INSYN2A: variants seen among roughly 807,000 people sequenced by gnomAD.
INSYN2A encodes inhibitory synaptic factor 2A.
In INSYN2A, 17 loss-of-function variants were observed where a neutral mutation model predicts 39.4. The observed-to-expected ratio is 0.43, with a 90% CI of 0.30 to 0.65. INSYN2A has a LOEUF of 0.65. Among genes scored for constraint, INSYN2A ranks in the 30% least tolerant of loss-of-function variants. INSYN2A has a pLI of 0.14. For synonymous variants in INSYN2A, 255 were observed against 265.7 expected (o/e 0.96, Z 0.39); for missense variants, 595 against 631.2 (o/e 0.94, Z 0.61).
chr10:127,144,282 A>G (rs1564837928), intron 5 of INSYN2A, among the ~76,000 whole-genome samples: 1 of 152,140 alleles, frequency 6.6e-6, no homozygotes, highest in Non-Finnish European at 1.5e-5. Context: ...TGGATTTTCT[A>G]GAATAACAAA....
At chr10:127,181,247 T>C (rs1446783734) in intron 2 of INSYN2A, among the ~76,000 whole-genome samples, 3 of 152,244 alleles carry the variant, frequency 2.0e-5, no homozygotes, top group African/African-American at 4.8e-5. Context: ...GCAGAAGATA[T>C]GTCAATATTT....
At chr10:127,172,555 C>G (rs933801197) in intron 4 of INSYN2A, among the ~76,000 whole-genome samples, 4 of 151,724 alleles carry the variant, frequency 2.6e-5, no homozygotes, top group Admixed American at 6.5e-5. Context: ...AATTAATGAC[C>G]CTGGGGCATT....
chr10:127,149,466 C>T (rs1004693318), intron 5 of INSYN2A, among the ~76,000 whole-genome samples: 2 of 152,174 alleles, frequency 1.3e-5, no homozygotes, highest in African/African-American at 4.8e-5. Flanking sequence ...TATGTACCGC[C>T]TCCCATGGCA....
At chr10:127,194,012 C>T (rs952876899) in intron 1 of INSYN2A, among the ~76,000 whole-genome samples, 2 of 152,154 alleles carry the variant, frequency 1.3e-5, no homozygotes, top group African/African-American at 4.8e-5. Context: ...GTCTTAATCA[C>T]AATGATAAAA....
Position 127,194,261 on chromosome 10 carries a change from C to A in INSYN2A, c.-394-1531G>T, listed in dbSNP as rs543904843. Among the ~76,000 whole-genome samples the A allele has an allele frequency of 4.9e-4, 75 of 152,166 alleles. 1 individual carries two copies. Among genetic ancestry groups the A allele is most frequent in the Non-Finnish European group, 9.4e-4 (64 of 68,032 alleles). ...TTTTTCTTTTCCTTAACCAAATGCG[C>A]CTCTAATAAAACCATCGTGAGGAGC... On this transcript the variant is annotated intron_variant, in intron 1 of 5. Transcript: ENST00000522781.
intron 4 of INSYN2A, among the ~76,000 whole-genome samples, chr10:127,169,089 T>C (rs1217132137): frequency 6.6e-6 from 1 of 152,180 alleles, no homozygotes; most frequent in African/African-American, 2.4e-5. Flanking sequence ...GCAAACATGT[T>C]CTGTGATGGC....
intron 4 of INSYN2A, among the ~76,000 whole-genome samples, chr10:127,172,311 C>T (rs1003704880): frequency 6.6e-6 from 1 of 152,064 alleles, no homozygotes; most frequent in African/African-American, 2.4e-5. Context: ...GTATTTACAC[C>T]ATGGAAATCA....
rs1365741209 is a variant in INSYN2A, at chr10:127,137,090, C to T, written c.*747G>A. On this transcript the variant is annotated 3_prime_UTR_variant, in exon 6 of 6. Coordinates refer to ENST00000522781, the MANE Select transcript of INSYN2A (RefSeq NM_001039762.3). ...AAAACTTAGTGTCCAATAGCTCTGA[C>T]CCTGTCTACTTGCAGTGATTAAAGG... 6.6e-6 allele frequency: 1 copy of T among 152,562 alleles called. No individual in the cohort carries two copies. The highest frequency in any genetic ancestry group is 2.4e-5 in the African/African-American group (1 of 41,428). 9.5% of individuals were successfully genotyped at this position (152,562 alleles called of 1,614,324 possible).
chr10:127,177,995 C>G (rs1022323219), intron 2 of INSYN2A, among the ~76,000 whole-genome samples: 1 of 152,156 alleles, frequency 6.6e-6, no homozygotes, highest in Non-Finnish European at 1.5e-5. Context: ...CTCATAGACC[C>G]AGCTGTCCAA....
At chr10:127,154,027 A>G (rs2052775549) in intron 4 of INSYN2A, 104 bp from the exon 5 acceptor site, 1 of 782,770 alleles carries the variant, frequency 1.3e-6, no homozygotes. Flanking sequence ...CAAGCTCATC[A>G]TGGTCATGGA....
chr10:127,178,119 T>C (rs866702548), intron 2 of INSYN2A, among the ~76,000 whole-genome samples: 1 of 152,158 alleles, frequency 6.6e-6, no homozygotes, highest in Non-Finnish European at 1.5e-5. Flanking sequence ...ACAGCCACCA[T>C]CTAAAAGTAA....
At chr10:127,187,965 G>C (rs1383660213) in intron 2 of INSYN2A, among the ~76,000 whole-genome samples, 1 of 152,100 alleles carries the variant, frequency 6.6e-6, no homozygotes, top group Non-Finnish European at 1.5e-5. Context: ...ACCCTTTGTT[G>C]TCTTCTATTT....
At chr10:127,142,389 C>T (rs539582618) in intron 5 of INSYN2A, among the ~76,000 whole-genome samples, 1 of 152,262 alleles carries the variant, frequency 6.6e-6, no homozygotes, top group South Asian at 2.1e-4. Context: ...GGTGCTGCTG[C>T]CCTCCTGCTG....
intron 2 of INSYN2A, among the ~76,000 whole-genome samples, chr10:127,177,912 G>A (rs906635016): frequency 2.0e-5 from 3 of 152,154 alleles, no homozygotes; most frequent in Admixed American, 6.5e-5. Flanking sequence ...TCATTTTTCG[G>A]TGTCACACAG....
chr10:127,167,771 A>G lies in INSYN2A; in HGVS notation c.1184+7441T>C, dbSNP rs2054213677. On this transcript the variant is annotated intron_variant, in intron 4 of 5. Transcript: ENST00000522781. ...GGTCCTGTCCTTTTCTCTGGAAACC[A>G]CCAAGACAAAGCTTCATGTCTCCAT... Among the ~76,000 whole-genome samples the G allele has an allele frequency of 2.0e-5, 3 of 151,940 alleles. No individual in the cohort carries two copies. The South Asian group carries it at 6.2e-4, about 32-fold the overall frequency.
At chr10:127,177,756 G>A (rs2055313501) in intron 2 of INSYN2A, among the ~76,000 whole-genome samples, 1 of 152,270 alleles carries the variant, frequency 6.6e-6, no homozygotes, top group Admixed American at 6.5e-5. Flanking sequence ...GACATGCGCA[G>A]CATGGCCACT....
chr10:127,162,623 G>A (rs1350054447), intron 4 of INSYN2A, among the ~76,000 whole-genome samples: 1 of 152,192 alleles, frequency 6.6e-6, no homozygotes, highest in African/African-American at 2.4e-5. Context: ...AACCCTGGAA[G>A]GATCACCTGT....
intron 4 of INSYN2A, among the ~76,000 whole-genome samples, chr10:127,166,733 A>G (rs1020296728): frequency 3.3e-5 from 5 of 152,222 alleles, no homozygotes; most frequent in African/African-American, 7.2e-5. Context: ...CAGGAATTGC[A>G]TGGAGTTTTT....
chr10:127,139,634 G>A (rs2051030691), intron 5 of INSYN2A, among the ~76,000 whole-genome samples: 1 of 152,152 alleles, frequency 6.6e-6, no homozygotes, highest in South Asian at 2.1e-4. Context: ...TGAAATCCGG[G>A]CCTCAGTTCC....
Sources: gnomAD v4.1 joint callset for allele counts (sites outside exome capture counted in the v4.1 genomes callset) on GRCh38, gnomAD v4.1.1 for gene constraint, MANE v1.5 for transcripts, NCBI Gene and HGNC (gene_info 2026-07-23, HGNC 2026-07-21) for gene names.